FREM1: variants seen among roughly 807,000 people sequenced by gnomAD.
FREM1 encodes the protein FRAS1-related extracellular matrix protein 1.
FREM1 carries 220 observed loss-of-function variants against 210.1 expected under a neutral mutation model. The observed-to-expected ratio is 1.05, with a 90% CI of 0.94 to 1.17. FREM1 has a LOEUF of 1.17. Among genes scored for constraint, FREM1 ranks in the 50% most tolerant of loss-of-function variants. FREM1 has a pLI of 0.00. For missense variants in FREM1, 3,454 were observed against 2,675.5 expected, an observed-to-expected ratio of 1.29 and a Z score of -6.42; for synonymous variants, 1,189 against 980.2, an observed-to-expected ratio of 1.21 and a Z score of -3.98.
chr9:14,789,159 TC>T, intron 22 of FREM1, 45 bp from the exon 23 acceptor site: 1 of 1,355,140 alleles, frequency 7.4e-7, no homozygotes, highest in Non-Finnish European at 1.0e-6. Context: ...TTTTTTCTTT[TC>T]CCCCAACGTA....
chr9:14,772,727 C>T (rs1309344701), intron 25 of FREM1, among the ~76,000 whole-genome samples: 2 of 152,128 alleles, frequency 1.3e-5, no homozygotes, highest in South Asian at 4.2e-4. Context: ...CATTGTGGCC[C>T]GTGAGGGAAG....
chr9:14,829,131 G>A (rs1823060972), intron 10 of FREM1, among the ~76,000 whole-genome samples: 1 of 152,110 alleles, frequency 6.6e-6, no homozygotes, highest in African/African-American at 2.4e-5. Flanking sequence ...TTGTAGGTAG[G>A]AGGCACTTTA....
intron 27 of FREM1, among the ~76,000 whole-genome samples, chr9:14,760,187 C>A (rs966813564): frequency 6.6e-6 from 1 of 152,144 alleles, no homozygotes; most frequent in Admixed American, 6.5e-5. Context: ...CAGATATTTA[C>A]AACTAAAAGG....
At chr9:14,779,607 C>T in intron 24 of FREM1, 1 of 334,558 alleles carries the variant, frequency 3.0e-6, no homozygotes, top group Non-Finnish European at 4.2e-6. Flanking sequence ...GCGTGCATGG[C>T]CTCTGTGAGG....
At chr9:14,874,651 C>A (rs1452538622) in intron 1 of FREM1, among the ~76,000 whole-genome samples, 1 of 151,778 alleles carries the variant, frequency 6.6e-6, no homozygotes, top group Non-Finnish European at 1.5e-5. Context: ...TTAATTGGAG[C>A]ATTTAGTCCA....
At chr9:14,804,164 C>T (rs1817898738) in intron 19 of FREM1, among the ~76,000 whole-genome samples, 3 of 152,154 alleles carry the variant, frequency 2.0e-5, no homozygotes, top group Non-Finnish European at 4.4e-5. Flanking sequence ...AATGCATTTT[C>T]TCACAAGAAA....
rs1430541557 is a variant in FREM1 at position 14,789,133 on chromosome 9, AGTCAGCTGCTCATG to A, written c.3982-33_3982-20del. The A allele has an allele frequency of 3.9e-6, 6 of 1,528,540 alleles. No individual in the cohort carries two copies. The African/African-American group carries it at 8.2e-5, about 21-fold the overall frequency. The allele number at this position is 1,528,540 out of a possible 1,614,324, so 94.7% of individuals were successfully genotyped here. A position where few individuals can be genotyped will look rare whatever the true frequency, so the allele number is the denominator to read the frequency against. ...TCCCTATCTGGAAGGAGCCAGAGTTAGTCAGCTGCTCATGGTTTTTTCTTTTCCCCCAACGTACG... is the reference window on the plus strand; with the variant it reads ...TCCCTATCTGGAAGGAGCCAGAGTTAGTTTTTTCTTTTCCCCCAACGTACG... On this transcript the variant is annotated intron_variant, in intron 22 of 36. Coordinates refer to ENST00000380880, the MANE Select transcript of FREM1 (RefSeq NM_001379081.2).
intron 10 of FREM1, among the ~76,000 whole-genome samples, chr9:14,826,950 A>G (rs1588206556): frequency 6.6e-6 from 1 of 152,144 alleles, no homozygotes; most frequent in Non-Finnish European, 1.5e-5. Flanking sequence ...AATTTCTATT[A>G]TTTATACATT....
chr9:14,869,170 G>C lies in FREM1; in HGVS notation c.-193C>G. The C allele has an allele frequency of 1.9e-6, 1 of 523,730 alleles. No individual in the cohort carries two copies. The highest frequency in any genetic ancestry group is 3.5e-5 in the South Asian group (1 of 28,402). The allele number at this position is 523,730 out of a possible 1,614,324, so 32.4% of individuals were successfully genotyped here. On this transcript the variant is annotated 5_prime_UTR_variant, in exon 2 of 37. Coordinates refer to ENST00000380880, the MANE Select transcript of FREM1 (RefSeq NM_001379081.2). ...AGGGGGCCTTTCAGGCAATCCCAGG[G>C]CTTTTAATAAAACTCGCTGATCACT...
intron 1 of FREM1, among the ~76,000 whole-genome samples, chr9:14,896,443 C>G (rs1269776048): frequency 6.6e-6 from 1 of 150,536 alleles, no homozygotes; most frequent in Non-Finnish European, 1.5e-5. Context: ...ACTCAGGAGG[C>G]TGAGGCAGGA....
intron 1 of FREM1, among the ~76,000 whole-genome samples, chr9:14,893,422 C>A (rs531760388): frequency 6.6e-6 from 1 of 152,170 alleles, no homozygotes; most frequent in Non-Finnish European, 1.5e-5. Flanking sequence ...CAGTTATGTC[C>A]TTGGGAGCTT....
Position 14,859,236 on chromosome 9 carries a change from G to T in FREM1, c.578C>A (p.Pro193His). The change falls in exon 4 of 37, where the codon CCT becomes CAT. Residue 193 changes from proline (P) to histidine (H), a missense_variant. Physicochemically the swap from Pro to His is moderately conservative, Grantham distance 77 (BLOSUM62 -2). Coordinates refer to ENST00000380880, the MANE Select transcript of FREM1 (RefSeq NM_001379081.2). ...PAHGQMVLGE[P>H]RPEEPRGDQP... The stretch of plus-strand genomic sequence containing the variant: ...ATCTCCACGAGGTTCTTCTGGTCGA[G>T]GCTCCCCGAGAACCATCTGGCCATG... 1 of 1,610,318 alleles carries T rather than the reference G, an allele frequency of 6.2e-7. No individual in the cohort carries two copies. The highest frequency in any genetic ancestry group is 8.5e-7 in the Non-Finnish European group (1 of 1,177,468).
Position 14,826,112 on chromosome 9 carries a change from T to TTG in FREM1, c.1882-1122_1882-1121dup, listed in dbSNP as rs1243151357. On this transcript the variant is annotated intron_variant, in intron 10 of 36. Coordinates refer to ENST00000380880, the MANE Select transcript of FREM1 (RefSeq NM_001379081.2). ...TCTTTCTCAACCTTTTTTTTTTTTTTTGAGGAGTCTCACACTGTCACACAG... is the reference window on the plus strand; with the variant it reads ...TCTTTCTCAACCTTTTTTTTTTTTTTTGTGAGGAGTCTCACACTGTCACACAG... Among the ~76,000 whole-genome samples, 11 of 151,062 alleles carry TTG rather than the reference T, an allele frequency of 7.3e-5. No individual in the cohort carries two copies. In the South Asian group the frequency reaches 2.3e-3, roughly 32 times the overall value.
Position 14,805,000 on chromosome 9 carries a change from G to A in FREM1, c.3427C>T (p.Pro1143Ser). 1 of 1,613,534 alleles carries A rather than the reference G, an allele frequency of 6.2e-7. No homozygotes were observed. The highest frequency in any genetic ancestry group is 8.5e-7 in the Non-Finnish European group (1 of 1,179,530). Residue 1143 changes from proline (P) to serine (S), a missense_variant, in exon 19 of 37, where the codon CCC becomes TCC. Coordinates refer to ENST00000380880, the MANE Select transcript of FREM1 (RefSeq NM_001379081.2). ...LEIPFSIIIN[P>S]TNDEAPDFVV... ...AAGTCAGGAGCTTCATCATTTGTGG[G>A]GTTGATTATAATAGAAAATGGTATC...
intron 1 of FREM1, among the ~76,000 whole-genome samples, chr9:14,890,166 C>T (rs146785877): frequency 6.6e-6 from 1 of 152,354 alleles, no homozygotes; most frequent in East Asian, 1.9e-4. Flanking sequence ...TCCTCCAGTT[C>T]AAAATATTCA....
At chr9:14,767,907 C>T (rs1460534364) in intron 27 of FREM1, among the ~76,000 whole-genome samples, 3 of 152,104 alleles carry the variant, frequency 2.0e-5, no homozygotes, top group Admixed American at 1.3e-4. Flanking sequence ...CAAATTACGT[C>T]AAGTTGAACT....
intron 24 of FREM1, among the ~76,000 whole-genome samples, chr9:14,781,500 A>T (rs1849636722): frequency 6.6e-6 from 1 of 152,234 alleles, no homozygotes; most frequent in Non-Finnish European, 1.5e-5. Flanking sequence ...TGTATTTAAA[A>T]GGAAACCTTT....
rs1270418718 is a variant in FREM1, at chr9:14,900,159, C to A, written c.-268+9755G>T. 1.1e-3 allele frequency among the ~76,000 whole-genome samples: 170 copies of A among 152,220 alleles called. 2 individuals carry two copies. The highest frequency in any genetic ancestry group is 2.9e-4 in the Non-Finnish European group (20 of 68,020). ...CTATTAATGAGAACGGGAAACACAC[C>A]AAGATGAGTTGCCTCCTTCATCTAG... On this transcript the variant is annotated intron_variant, in intron 1 of 36. Transcript: ENST00000380880.
chr9:14,750,083 C>T (rs148465816), intron 30 of FREM1, 44 bp downstream of exon 30: 23,271 of 1,604,986 alleles, frequency 0.014, 232 homozygotes, highest in Non-Finnish European at 0.018. Flanking sequence ...AGAGCTACAG[C>T]GCCAGGACCG....
Sources: gnomAD v4.1 joint callset for allele counts (sites outside exome capture counted in the v4.1 genomes callset) on GRCh38, gnomAD v4.1.1 for gene constraint, MANE v1.5 for transcripts, NCBI Gene and HGNC (gene_info 2026-07-23, HGNC 2026-07-21) for gene names.